Variants in TTN observed in about 807,000 individuals in gnomAD.
TTN encodes the protein titin, also known as connectin.
In TTN, 1,525 loss-of-function variants were observed where a neutral mutation model predicts 3,223.0. The observed-to-expected ratio is 0.47, with a 90% CI of 0.45 to 0.49. TTN has a LOEUF of 0.49. TTN is among the 20% of genes least tolerant of loss of function. TTN has a pLI of 0.00. For missense variants in TTN, 40,786 were observed against 43,424.0 expected (o/e 0.94, Z 5.40); for synonymous variants, 14,094 against 15,161.0 (o/e 0.93, Z 5.17).
intron 148 of TTN, 59 bp from the exon 149 acceptor site, chr2:178,675,813 C>T: frequency 6.6e-7 from 1 of 1,525,034 alleles, no homozygotes; most frequent in East Asian, 2.4e-5. Flanking sequence ...GACAAGTAGA[C>T]ACAGCAGTAA....
Position 178,590,967 on chromosome 2 carries a change from C to T in TTN, c.60758G>A (p.Gly20253Asp). ...TGTGGAGTCAAGGGGAGGACCAACA[C>T]CTATCTTATTCTCTGCTCTAACTCG... ...VFRVRAENKI[G>D]VGPPLDSTPT... Residue 20253 changes from glycine (G) to aspartate (D), a missense_variant, in exon 304 of 363, where the codon GGT becomes GAT. Coordinates refer to ENST00000589042, the MANE Select transcript of TTN (RefSeq NM_001267550.2). The T allele has an allele frequency of 6.2e-7, 1 of 1,613,402 alleles. No homozygotes were observed. Among genetic ancestry groups the T allele is most frequent in the Non-Finnish European group, 8.5e-7 (1 of 1,179,526 alleles).
At position 178,773,067 on chromosome 2, in the gene TTN, C is replaced by T. The variant is rs767640496; in HGVS notation, c.7855+42G>A. 5 of 1,611,352 alleles carry T rather than the reference C, an allele frequency of 3.1e-6. No individual in the cohort carries two copies. The African/African-American group carries it at 5.3e-5, about 17-fold the overall frequency. ...AATGAATAATAATTTCTTAAAATAACAATCACTCCTCGTAAGAATTTAGGT... is the reference window on the plus strand; with the variant it reads ...AATGAATAATAATTTCTTAAAATAATAATCACTCCTCGTAAGAATTTAGGT... On this transcript the variant is annotated intron_variant, in intron 33 of 362. Coordinates refer to ENST00000589042, the MANE Select transcript of TTN (RefSeq NM_001267550.2).
chr2:178,557,126 C>T lies in TTN; in HGVS notation c.88028G>A (p.Arg29343His), dbSNP rs73036368. Residue 29343 changes from arginine (R) to histidine (H), a missense_variant, in exon 330 of 363, where the codon CGT (arginine) becomes CAT (histidine). Coordinates refer to ENST00000589042, the MANE Select transcript of TTN (RefSeq NM_001267550.2). The part of the protein sequence containing the change: ...IDACEPPRNV[R>H]ITDISKNSVS... The stretch of plus-strand genomic sequence containing the variant: ...AGAGTTCTTTGAAATATCAGTGATA[C>T]GAACATTTCTTGGGGGTTCTGTGGT... The T allele has an allele frequency of 1.8e-4, 293 of 1,613,576 alleles. No individual in the cohort carries two copies. Among genetic ancestry groups the T allele is most frequent in the African/African-American group, 1.6e-3 (117 of 75,050 alleles).
Position 178,553,674 on chromosome 2 carries a change from C to T in TTN, c.89331G>A (p.Glu29777=), listed in dbSNP as rs867649783. The part of the protein sequence containing the change: ...TGYVVEIRQG[E]EEEWTTVSTK... The stretch of plus-strand genomic sequence containing the variant: ...TAGAGACAGTAGTCCATTCCTCTTC[C>T]TCTCCTTGTCTTATCTCGACAACAT... Residue 29777 remains glutamate (E), a synonymous_variant, in exon 334 of 363, where the codon GAG becomes GAA. Coordinates refer to ENST00000589042, the MANE Select transcript of TTN (RefSeq NM_001267550.2). The T allele has an allele frequency of 1.2e-6, 2 of 1,613,812 alleles. No homozygotes were observed. Among genetic ancestry groups the T allele is most frequent in the African/African-American group, 1.3e-5 (1 of 75,010 alleles).
rs2081362230 is a variant in TTN, at chr2:178,735,925, A to G, written c.14521T>C (p.Trp4841Arg). The G allele has an allele frequency of 1.2e-6, 2 of 1,613,898 alleles. No homozygotes were observed. The highest frequency in any genetic ancestry group is 1.7e-6 in the Non-Finnish European group (2 of 1,179,824). ...TTGTTTTCTGCGTCGGAAATCCTCC[A>G]GTTAGGTGAAGGTGAGAGTGCAGCA... ...DGAALSPSPN[W>R]RISDAENKHI... The change falls in exon 50 of 363, where the codon TGG becomes CGG. Residue 4841 changes from tryptophan to arginine, a missense_variant. Physicochemically the swap from Trp to Arg is moderately radical, Grantham distance 101. Coordinates refer to ENST00000589042, the MANE Select transcript of TTN (RefSeq NM_001267550.2).
chr2:178,571,752 C>A lies in TTN; in HGVS notation c.74380G>T (p.Ala24794Ser). The A allele has an allele frequency of 6.2e-7, 1 of 1,613,324 alleles. No homozygotes were observed. The highest frequency in any genetic ancestry group is 8.5e-7 in the Non-Finnish European group (1 of 1,179,494). The change falls in exon 326 of 363, where the codon GCT (alanine) becomes TCT (serine). Residue 24794 changes from alanine to serine, a missense_variant. Coordinates refer to ENST00000589042, the MANE Select transcript of TTN (RefSeq NM_001267550.2). ...TTAAGGGTTTCAATAGCTTCACCAGCTGAGTTAGTCAGTTTAACCACATAA... is the reference window on the plus strand; with the variant it reads ...TTAAGGGTTTCAATAGCTTCACCAGATGAGTTAGTCAGTTTAACCACATAA... ...GHYVVKLTNS[A>S]GEAIETLNVI...
Position 178,563,423 on chromosome 2 carries a change from G to A in TTN, c.82709C>T (p.Pro27570Leu), listed in dbSNP as rs1704409600. ...TTTTGGATTGCTTGGGGGACCTGGTGGATACAAGGCATCACACGCACGGTA... is the reference window on the plus strand; with the variant it reads ...TTTTGGATTGCTTGGGGGACCTGGTAGATACAAGGCATCACACGCACGGTA... ...VFYRACDALY[P>L]PGPPSNPKVT... The change falls in exon 326 of 363, where the codon CCA (proline) becomes CTA (leucine). Residue 27570 changes from proline to leucine, a missense_variant. Transcript: ENST00000589042. This position sits in a 1 kb window ranked among gnomAD's most constrained non-coding sequence, Gnocchi z 4.5. 1 of 1,613,538 alleles carries A rather than the reference G, an allele frequency of 6.2e-7. No homozygotes were observed. The highest frequency in any genetic ancestry group is 8.5e-7 in the Non-Finnish European group (1 of 1,179,736).
Position 178,542,676 on chromosome 2 carries a change from T to C in TTN, c.97178A>G (p.Lys32393Arg). ...CACATCCTTACCAAGAATGATAACT[T>C]TAATGGTTTCTGAAGTAGTTCCGGT... is the stretch of plus-strand genomic sequence containing the variant. ...NVTGTTSETI[K>R]VIILDKPGPP... Residue 32393 changes from lysine to arginine, a missense_variant, in exon 348 of 363, where the codon AAA becomes AGA. By Grantham distance (26) the Lys-to-Arg change is conservative (BLOSUM62 2). Transcript: ENST00000589042. The C allele has an allele frequency of 6.2e-7, 1 of 1,613,204 alleles. No homozygotes were observed. Among genetic ancestry groups the C allele is most frequent in the Non-Finnish European group, 8.5e-7 (1 of 1,179,244 alleles).
In TTN at chr2:178,598,820, A is replaced by G; in HGVS notation, c.56890T>C (p.Tyr18964His). The G allele has an allele frequency of 6.2e-7, 1 of 1,613,372 alleles. No homozygotes were observed. Among genetic ancestry groups the G allele is most frequent in the Non-Finnish European group, 8.5e-7 (1 of 1,179,518 alleles). Residue 18964 changes from tyrosine (Y) to histidine (H), a missense_variant, in exon 291 of 363, where the codon TAT becomes CAT. Tyr to His is a moderately conservative substitution (Grantham distance 83). Coordinates refer to ENST00000589042, the MANE Select transcript of TTN (RefSeq NM_001267550.2). ...CCCACGCCAGCAGCATTGATTGCAT[A>G]TACCCGGAATTGATAGTCGGAACCT... ...IEGSDYQFRV[Y>H]AINAAGVGPA... is the part of the protein sequence containing the mutation.
In TTN at chr2:178,568,505, A is replaced by G; in HGVS notation, c.77627T>C (p.Val25876Ala). Residue 25876 changes from valine to alanine, a missense_variant, in exon 326 of 363, where the codon GTT becomes GCT. By Grantham distance (64) the Val-to-Ala change is moderately conservative. Transcript: ENST00000589042. ...GQYGITVANV[V>A]GQKTASIEIV... ...TTCGATGGATGCTGTCTTCTGACCA[A>G]CAACATTGGCAACTGTGATTCCATA... 4 of 1,613,426 alleles carry G rather than the reference A, an allele frequency of 2.5e-6. No individual in the cohort carries two copies. The highest frequency in any genetic ancestry group is 1.1e-5 in the South Asian group (1 of 91,066).
intron 270 of TTN, 56 bp downstream of exon 270, chr2:178,610,937 T>G: frequency 6.3e-7 from 1 of 1,596,768 alleles, no homozygotes. Context: ...ACTGCAAAGT[T>G]AACTAATTTC....
At chr2:178,658,572 TTTAG>T (rs2064142509) in intron 183 of TTN, 21 bp from the exon 184 acceptor site, 3 of 630,210 alleles carry the variant, frequency 4.8e-6, no homozygotes, top group Non-Finnish European at 8.1e-6. Flanking sequence ...ATTAGTATCT[TTTAG>T]TTAGAAGCTA....
intron 6 of TTN, among the ~76,000 whole-genome samples, chr2:178,797,465 TA>T (rs1011551869): frequency 6.6e-6 from 1 of 152,152 alleles, no homozygotes; most frequent in Non-Finnish European, 1.5e-5. Flanking sequence ...TTTTTTCCTT[TA>T]AAAATTAATT....
intron 294 of TTN, among the ~76,000 whole-genome samples, chr2:178,596,780 A>C (rs888030750): frequency 3.3e-5 from 5 of 152,006 alleles, no homozygotes; most frequent in Non-Finnish European, 5.9e-5. Context: ...TGGCTGGAGT[A>C]TTGTTGTGCC....
In TTN at chr2:178,774,344, T is replaced by G. The variant is rs1327919896; in HGVS notation, c.6920A>C (p.Lys2307Thr). ...TGTAATTGTATATTTGCCATTGGATTTAAGCTCCACATCATTATGATACCA... is the reference window on the plus strand; with the variant it reads ...TGTAATTGTATATTTGCCATTGGATGTAAGCTCCACATCATTATGATACCA... ...GKWYHNDVELKSNGKYTITSR... is the reference protein window; with the variant it reads ...GKWYHNDVELTSNGKYTITSR... Residue 2307 changes from lysine to threonine, a missense_variant, in exon 30 of 363, where the codon AAA (lysine) becomes ACA (threonine). Physicochemically the swap from Lys to Thr is moderately conservative, Grantham distance 78. Transcript: ENST00000589042. 1 of 1,613,998 alleles carries G rather than the reference T, an allele frequency of 6.2e-7. No homozygotes were observed. Among genetic ancestry groups the G allele is most frequent in the African/African-American group, 1.3e-5 (1 of 74,916 alleles).
chr2:178,752,054 A>T, intron 47 of TTN: 1 of 1,584,292 alleles, frequency 6.3e-7, no homozygotes, highest in Non-Finnish European at 8.5e-7. Flanking sequence ...AAAAAAAAAA[A>T]AAAACCTTTA....
In TTN at chr2:178,598,750, A is replaced by G. The variant is rs373351577; in HGVS notation, c.56960T>C (p.Ile18987Thr). 53 of 1,611,158 alleles carry G rather than the reference A, an allele frequency of 3.3e-5. No homozygotes were observed. Among genetic ancestry groups the G allele is most frequent in the Admixed American group, 6.7e-5 (4 of 59,374 alleles). Residue 18987 changes from isoleucine (I) to threonine (T), a missense_variant and splice_region_variant, in exon 291 of 363, where the codon ATT becomes ACT. Transcript: ENST00000589042. Reference protein sequence around the residue: ...PSDPATARDPIAPPGPPFPKV... With the variant: ...PSDPATARDPTAPPGPPFPKV... ...AAAGGAATGGTTTCCAGGCTTACCA[A>G]TTGGATCTCTAGCAGTCGCTGGGTC...
Position 178,675,712 on chromosome 2 carries a change from G to A in TTN, c.34496C>T (p.Pro11499Leu), listed in dbSNP as rs1048961968. The A allele has an allele frequency of 7.0e-7, 1 of 1,430,212 alleles. No individual in the cohort carries two copies. Among genetic ancestry groups the A allele is most frequent in the South Asian group, 1.6e-5 (1 of 61,606 alleles). 88.6% of individuals were successfully genotyped at this position (1,430,212 alleles called of 1,614,324 possible). ...PKKPEPEKKV[P>L]PPGLKKAVAP... ...CACTGCTTTCTTAAGACCAGGAGGA[G>A]GGACCTTCTTTTCTGGCTCAGGTTT... Residue 11499 changes from proline (P) to leucine (L), a missense_variant, in exon 149 of 363, where the codon CCT becomes CTT. Physicochemically the swap from Pro to Leu is moderately conservative, Grantham distance 98. Coordinates refer to ENST00000589042, the MANE Select transcript of TTN (RefSeq NM_001267550.2).
In TTN at chr2:178,783,080, AAAAT is replaced by A. The variant is rs752207098; in HGVS notation, c.2842-20_2842-17del. Reference sequence around the variant, plus strand: ...TTTTTAAGCCCTGAAGAGAGGAGAAAAAATAAATAATGATACGTGTGCATATTCA... The same window carrying A: ...TTTTTAAGCCCTGAAGAGAGGAGAAAAAATAATGATACGTGTGCATATTCA... On this transcript the variant is annotated splice_polypyrimidine_tract_variant and intron_variant, in intron 17 of 362. Transcript: ENST00000589042. 79 of 1,613,296 alleles carry A rather than the reference AAAAT, an allele frequency of 4.9e-5. No homozygotes were observed. Among genetic ancestry groups the A allele is most frequent in the Non-Finnish European group, 6.1e-5 (72 of 1,179,398 alleles).
Sources: gnomAD v4.1 joint callset for allele counts (sites outside exome capture counted in the v4.1 genomes callset) on GRCh38, gnomAD v4.1.1 for gene constraint, Gnocchi (gnomAD v3.1) non-coding constraint, MANE v1.5 for transcripts, NCBI Gene and HGNC (gene_info 2026-07-23, HGNC 2026-07-21) for gene names.